Variants in MEF2A observed in about 807,000 individuals in gnomAD.
MEF2A encodes the protein myocyte-specific enhancer factor 2A.
In MEF2A, 28 loss-of-function variants were observed where a neutral mutation model predicts 55.8. That is an observed-to-expected ratio of 0.50 (90% CI 0.37 to 0.69). The LOEUF (loss-of-function observed/expected upper bound fraction) is 0.69, where lower values mean the gene tolerates loss of function less well. MEF2A is among the 30% of genes least tolerant of loss of function. The pLI is 0.00. For missense variants in MEF2A, 528 were observed against 626.2 expected, an observed-to-expected ratio of 0.84 and a Z score of 1.67; for synonymous variants, 239 against 227.1, an observed-to-expected ratio of 1.05 and a Z score of -0.47.
rs879708545 is a variant in MEF2A, at chr15:99,665,756, G to A, written c.259-5567G>A. On this transcript the variant is annotated intron_variant, in intron 4 of 11. Transcript: ENST00000557942. ...CAAAAAAAAAAAAAAAAAAAAAAAA[G>A]CCATCAAAAAGTGGGTGAAGGATAT... is the stretch of plus-strand genomic sequence containing the variant. Among the ~76,000 whole-genome samples, 651 of 77,128 alleles carry A rather than the reference G, an allele frequency of 8.4e-3. 2 individuals are homozygous for A. The highest frequency in any genetic ancestry group is 0.01 in the Non-Finnish European group (371 of 36,326). 50.6% of individuals were successfully genotyped at this position (77,128 alleles called of 152,430 possible). A position where few individuals can be genotyped will look rare whatever the true frequency, so the allele number is the denominator to read the frequency against.
chr15:99,596,670 T>G (rs2086038034), intron 1 of MEF2A, among the ~76,000 whole-genome samples: 2 of 152,236 alleles, frequency 1.3e-5, no homozygotes, highest in South Asian at 4.1e-4. Context: ...CATGCAATTC[T>G]AAATTATTGT....
At chr15:99,655,766 T>G (rs1000613708) in intron 4 of MEF2A, among the ~76,000 whole-genome samples, 1 of 152,076 alleles carries the variant, frequency 6.6e-6, no homozygotes, top group Non-Finnish European at 1.5e-5. Flanking sequence ...TGTTTAAAAA[T>G]TGATTTATAG....
At chr15:99,668,703 T>TG (rs1473212464) in intron 4 of MEF2A, among the ~76,000 whole-genome samples, 1 of 152,204 alleles carries the variant, frequency 6.6e-6, no homozygotes, top group African/African-American at 2.4e-5. Flanking sequence ...GTGGCTAACT[T>TG]GTGTGTGAGA....
chr15:99,633,937 A>G (rs1223616501), intron 3 of MEF2A, among the ~76,000 whole-genome samples: 2 of 152,234 alleles, frequency 1.3e-5, no homozygotes, highest in Non-Finnish European at 2.9e-5. Context: ...TGCCCCAGAA[A>G]CTATATGGTC....
chr15:99,655,746 C>T (rs1596854143), intron 4 of MEF2A, among the ~76,000 whole-genome samples: 1 of 152,090 alleles, frequency 6.6e-6, no homozygotes, highest in South Asian at 2.1e-4. Context: ...AATATATTGA[C>T]ACATCATGCT....
chr15:99,642,361 C>T (rs1049145682), intron 3 of MEF2A, among the ~76,000 whole-genome samples: 2 of 151,992 alleles, frequency 1.3e-5, no homozygotes, highest in Admixed American at 6.5e-5. Flanking sequence ...GATTGTATGC[C>T]TTTCTGTATT....
intron 3 of MEF2A, among the ~76,000 whole-genome samples, chr15:99,639,231 C>G (rs1232342797): frequency 6.6e-6 from 1 of 152,088 alleles, no homozygotes; most frequent in African/African-American, 2.4e-5. Context: ...TTACTGTCCT[C>G]TTTATAATTT....
At chr15:99,655,017 G>A (rs1438004106) in intron 4 of MEF2A, among the ~76,000 whole-genome samples, 2 of 152,056 alleles carry the variant, frequency 1.3e-5, no homozygotes, top group Admixed American at 1.3e-4. Context: ...TGTTTAAATC[G>A]CTTGCCTCTC....
intron 2 of MEF2A, among the ~76,000 whole-genome samples, 179 bp downstream of exon 2, chr15:99,598,690 G>A (rs542547556): frequency 2.0e-5 from 3 of 152,190 alleles, no homozygotes; most frequent in African/African-American, 7.2e-5. Flanking sequence ...GTAATATTGT[G>A]TAGTGGCAGT....
At chr15:99,683,542 G>T (rs1354954752) in intron 7 of MEF2A, among the ~76,000 whole-genome samples, 1 of 151,916 alleles carries the variant, frequency 6.6e-6, no homozygotes, top group African/African-American at 2.4e-5. Context: ...TAGTAGCCAG[G>T]ATTACAGACA....
At chr15:99,711,521 GGA>G (rs2058643829) in intron 11 of MEF2A, among the ~76,000 whole-genome samples, 1 of 152,178 alleles carries the variant, frequency 6.6e-6, no homozygotes, top group East Asian at 1.9e-4. Flanking sequence ...AGCAGTTGGA[GGA>G]GAGTGTCCCA....
chr15:99,700,357 C>A (rs993531323), intron 8 of MEF2A, among the ~76,000 whole-genome samples: 1 of 150,956 alleles, frequency 6.6e-6, no homozygotes, highest in Non-Finnish European at 1.5e-5. Flanking sequence ...ACTAAAAATA[C>A]AAAAATTAGT....
intron 10 of MEF2A, among the ~76,000 whole-genome samples, chr15:99,710,308 C>T (rs1188414650): frequency 2.6e-5 from 4 of 152,012 alleles, no homozygotes; most frequent in Non-Finnish European, 4.4e-5. Context: ...AGTGGTGCTA[C>T]CTCGGCTCAC....
At chr15:99,573,181 G>A (rs528169990) in intron 1 of MEF2A, among the ~76,000 whole-genome samples, 1 of 151,992 alleles carries the variant, frequency 6.6e-6, no homozygotes, top group African/African-American at 2.4e-5. Context: ...CCAGCTATGC[G>A]GGAGGCTGAG....
chr15:99,658,664 CAAGA>C (rs2048141155), intron 4 of MEF2A, among the ~76,000 whole-genome samples: 2 of 151,088 alleles, frequency 1.3e-5, no homozygotes, highest in Non-Finnish European at 2.9e-5. Context: ...AAAACAAAGA[CAAGA>C]AAGACGTAAA....
intron 3 of MEF2A, among the ~76,000 whole-genome samples, chr15:99,637,833 C>T (rs752222995): frequency 3.9e-5 from 6 of 152,028 alleles, no homozygotes; most frequent in Non-Finnish European, 7.4e-5. Context: ...TTAGTAGAGA[C>T]GGGGTTTCAT....
At chr15:99,675,058 G>A (rs1157450097) in intron 6 of MEF2A, among the ~76,000 whole-genome samples, 1 of 152,040 alleles carries the variant, frequency 6.6e-6, no homozygotes, top group Non-Finnish European at 1.5e-5. Context: ...GAAATGCAGT[G>A]TCTCCTCTCT....
chr15:99,684,663 G>T (rs2053876677), intron 7 of MEF2A, among the ~76,000 whole-genome samples: 1 of 151,976 alleles, frequency 6.6e-6, no homozygotes, highest in African/African-American at 2.4e-5. Flanking sequence ...GTTGTCTGCT[G>T]ATTATTTCTT....
intron 4 of MEF2A, among the ~76,000 whole-genome samples, chr15:99,660,912 T>C (rs2048512847): frequency 6.6e-6 from 1 of 152,186 alleles, no homozygotes; most frequent in African/African-American, 2.4e-5. Flanking sequence ...AACAACTGAT[T>C]CTAAAGTTCA....
Sources: allele counts gnomAD v4.1 joint callset (sites outside exome capture counted in the v4.1 genomes callset), GRCh38; gene constraint gnomAD v4.1.1; transcripts MANE v1.5; gene names NCBI Gene and HGNC (gene_info 2026-07-23, HGNC 2026-07-21).